DAW1: variants seen among roughly 807,000 people sequenced by gnomAD.
The protein encoded by DAW1 is dynein assembly factor with WD repeat domains 1.
In DAW1, 47 loss-of-function variants were observed where a neutral mutation model predicts 56.5. The observed-to-expected ratio is 0.83, with a 90% CI of 0.66 to 1.06. The LOEUF (loss-of-function observed/expected upper bound fraction) is 1.06, where lower values mean the gene tolerates loss of function less well. Among genes scored for constraint, DAW1 ranks in the 50% least tolerant of loss-of-function variants. The pLI is 0.00. For missense variants in DAW1, 505 were observed against 499.3 expected (o/e 1.01, Z -0.11); for synonymous variants, 190 against 179.0 (o/e 1.06, Z -0.49).
chr2:227,906,446 A>G (rs573636424), intron 9 of DAW1, 108 bp downstream of exon 9: 12 of 791,854 alleles, frequency 1.5e-5, no homozygotes, highest in African/African-American at 1.1e-4. Context: ...TAAAATTAAG[A>G]TATTAATTTA....
At chr2:227,914,322 T>G (rs1691901024) in intron 10 of DAW1, among the ~76,000 whole-genome samples, 1 of 152,106 alleles carries the variant, frequency 6.6e-6, no homozygotes, top group African/African-American at 2.4e-5. Context: ...GCTGGTGCTA[T>G]AATACTATAT....
At chr2:227,888,098 A>G (rs1442888377) in intron 2 of DAW1, among the ~76,000 whole-genome samples, 1 of 152,172 alleles carries the variant, frequency 6.6e-6, no homozygotes, top group African/African-American at 2.4e-5. Flanking sequence ...TTCCTGGTTC[A>G]TTTTTGTTCA....
In DAW1 at chr2:227,906,243, A is replaced by G; in HGVS notation, c.763A>G (p.Asn255Asp). 6.2e-7 allele frequency: 1 copy of G among 1,611,196 alleles called. No homozygotes were observed. Among genetic ancestry groups the G allele is most frequent in the Non-Finnish European group, 8.5e-7 (1 of 1,178,304 alleles). ...ATTATTTTTGTGTTGTAGGAAGGTA[A>G]ATATCTTAATTGGTCATTGTGCTGA... ...VWDADTGRKV[N>D]ILIGHCAEIS... Residue 255 changes from asparagine to aspartate, a missense_variant, in exon 9 of 13, where the codon AAT becomes GAT. Coordinates refer to ENST00000309931, the MANE Select transcript of DAW1 (RefSeq NM_178821.3).
chr2:227,877,929 C>T (rs1524026), intron 1 of DAW1, among the ~76,000 whole-genome samples: 130,548 of 152,254 alleles, frequency 0.86, 56,083 homozygotes, highest in Middle Eastern at 0.96. Flanking sequence ...AGCAGTCAAA[C>T]GTACATGTTT....
At chr2:227,879,630 A>T (rs1161172471) in intron 1 of DAW1, among the ~76,000 whole-genome samples, 1 of 151,832 alleles carries the variant, frequency 6.6e-6, no homozygotes, top group African/African-American at 2.4e-5. Context: ...AGACAAATCC[A>T]TTATATTATC....
chr2:227,871,663 A>T lies in DAW1; in HGVS notation c.-27A>T. The stretch of plus-strand genomic sequence containing the variant: ...AGCCGTTTCCAAGGCTACGAAGCCC[A>T]TCGGCCGGGGATAAGAGAGCAAGAA... On this transcript the variant is annotated 5_prime_UTR_variant, in exon 1 of 13. Coordinates refer to ENST00000309931, the MANE Select transcript of DAW1 (RefSeq NM_178821.3). 6.2e-7 allele frequency: 1 copy of T among 1,611,764 alleles called. No individual in the cohort carries two copies. The highest frequency in any genetic ancestry group is 1.1e-5 in the South Asian group (1 of 90,552).
At chr2:227,909,422 T>C (rs1381312035) in intron 10 of DAW1, among the ~76,000 whole-genome samples, 2 of 148,806 alleles carry the variant, frequency 1.3e-5, no homozygotes, top group African/African-American at 4.9e-5. Flanking sequence ...TTATAGTATA[T>C]ATAGTATATA....
At chr2:227,887,793 A>C (rs528045490) in intron 2 of DAW1, 3 of 152,294 alleles carry the variant, frequency 2.0e-5, no homozygotes, top group Non-Finnish European at 4.4e-5. Context: ...AAAGTAAATA[A>C]ATGTCTCAAA....
intron 5 of DAW1, among the ~76,000 whole-genome samples, chr2:227,896,034 A>G (rs1691399173): frequency 6.6e-6 from 1 of 152,214 alleles, no homozygotes; most frequent in Non-Finnish European, 1.5e-5. Flanking sequence ...TAGGTTGCCA[A>G]TATAATATCT....
At chr2:227,920,750 C>T (rs1692086374) in intron 11 of DAW1, among the ~76,000 whole-genome samples, 2 of 152,006 alleles carry the variant, frequency 1.3e-5, no homozygotes, top group South Asian at 4.2e-4. Context: ...GATCTCAGCT[C>T]ACTGCAACCT....
chr2:227,911,335 T>TATGTATAAGC, intron 10 of DAW1, among the ~76,000 whole-genome samples: 1 of 147,126 alleles, frequency 6.8e-6, no homozygotes, highest in African/African-American at 2.5e-5. Context: ...TATACATGTG[T>TATGTATAAGC]ATATATACAC....
chr2:227,906,853 A>G (rs1308605273), intron 9 of DAW1, among the ~76,000 whole-genome samples: 3 of 152,240 alleles, frequency 2.0e-5, no homozygotes, highest in Non-Finnish European at 4.4e-5. Flanking sequence ...CCAACCAGTA[A>G]AGCATACACG....
intron 10 of DAW1, among the ~76,000 whole-genome samples, chr2:227,913,881 A>ATCTATCTATCTATCTGTCTG (rs79833260): frequency 2.5e-4 from 30 of 120,502 alleles, no homozygotes; most frequent in African/African-American, 8.6e-4. Context: ...ATATCTATCT[A>ATCTATCTATCTATCTGTCTG]TCTGTCTGTC....
intron 1 of DAW1, among the ~76,000 whole-genome samples, chr2:227,883,466 A>G (rs1691055250): frequency 6.6e-6 from 1 of 152,230 alleles, no homozygotes; most frequent in African/African-American, 2.4e-5. Context: ...AAAAGTGTGA[A>G]ATAGACCAAT....
At position 227,918,801 on chromosome 2, in the gene DAW1, C is replaced by A; in HGVS notation, c.995C>A (p.Ala332Asp). 1.2e-6 allele frequency: 2 copies of A among 1,614,076 alleles called. No homozygotes were observed. The highest frequency in any genetic ancestry group is 1.7e-6 in the Non-Finnish European group (2 of 1,180,004). The change falls in exon 11 of 13, where the codon GCT (alanine) becomes GAT (aspartate). Residue 332 changes from alanine to aspartate, a missense_variant. Physicochemically the swap from Ala to Asp is moderately radical, Grantham distance 126. Coordinates refer to ENST00000309931, the MANE Select transcript of DAW1 (RefSeq NM_178821.3). The stretch of plus-strand genomic sequence containing the variant: ...AAAGGAACAGCAAGAATTTTCAGTG[C>A]TGCCACAAGAAAATGCATTGCCAAA... ...SADGTARIFS[A>D]ATRKCIAKLE...
intron 8 of DAW1, 72 bp downstream of exon 8, chr2:227,905,107 T>C: frequency 7.8e-7 from 1 of 1,276,512 alleles, no homozygotes; most frequent in Non-Finnish European, 1.1e-6. Flanking sequence ...TATTTTTTAG[T>C]TTAAGCTACT....
chr2:227,889,757 A>G (rs1167078795), intron 2 of DAW1, 99 bp from the exon 3 acceptor site: 36 of 1,007,086 alleles, frequency 3.6e-5, no homozygotes, highest in Non-Finnish European at 4.6e-5. Context: ...CATTTTATAA[A>G]TGTGCTTCAT....
intron 6 of DAW1, among the ~76,000 whole-genome samples, chr2:227,901,980 A>G (rs1691556866): frequency 3.3e-5 from 5 of 152,184 alleles, no homozygotes. Context: ...GAAGGAAAGT[A>G]AGATCAGGAA....
chr2:227,879,886 G>A (rs1010557832), intron 1 of DAW1, among the ~76,000 whole-genome samples: 1 of 151,932 alleles, frequency 6.6e-6, no homozygotes, highest in African/African-American at 2.4e-5. Flanking sequence ...AAATGTTGAT[G>A]CATAGATGAT....
Sources: gnomAD v4.1 joint callset for allele counts (sites outside exome capture counted in the v4.1 genomes callset) on GRCh38, gnomAD v4.1.1 for gene constraint, MANE v1.5 for transcripts, NCBI Gene and HGNC (gene_info 2026-07-23, HGNC 2026-07-21) for gene names.